Variants in GRAMD2B observed in about 807,000 individuals in gnomAD.
The protein encoded by GRAMD2B is GRAM domain-containing protein 2B.
GRAMD2B carries 41 observed loss-of-function variants against 59.2 expected under a neutral mutation model. The ratio of observed to expected loss-of-function variants is 0.69; its 90% CI spans 0.54 to 0.90. The LOEUF (loss-of-function observed/expected upper bound fraction) is 0.90, where lower values mean the gene tolerates loss of function less well. Ranked by LOEUF, GRAMD2B falls within the 40% of genes least tolerant of loss-of-function variation. The pLI is 0.00. For missense variants in GRAMD2B, 424 were observed against 500.5 expected (o/e 0.85, Z 1.46); for synonymous variants, 161 against 182.7 (o/e 0.88, Z 0.96).
chr5:126,440,095 C>T (rs1763052176), intron 1 of GRAMD2B, among the ~76,000 whole-genome samples: 1 of 151,984 alleles, frequency 6.6e-6, no homozygotes, highest in Admixed American at 6.6e-5. Context: ...CAGTCAATTA[C>T]CTTTCTTAAT....
intron 1 of GRAMD2B, among the ~76,000 whole-genome samples, chr5:126,375,186 A>G (rs934570629): frequency 2.6e-5 from 4 of 152,102 alleles, no homozygotes; most frequent in Admixed American, 6.6e-5. Flanking sequence ...TATATTTTAC[A>G]TTGTATTTTC....
chr5:126,443,684 T>C (rs113901572), intron 1 of GRAMD2B, among the ~76,000 whole-genome samples: 1 of 152,350 alleles, frequency 6.6e-6, no homozygotes, highest in African/African-American at 2.4e-5. Context: ...TCAGCTGTGA[T>C]GGAAAGACTC....
intron 1 of GRAMD2B, among the ~76,000 whole-genome samples, chr5:126,360,720 G>C (rs1181943795): frequency 6.6e-6 from 1 of 152,196 alleles, no homozygotes; most frequent in Non-Finnish European, 1.5e-5. Flanking sequence ...CTGGAAGTTT[G>C]AGGTTTGTCA....
intron 8 of GRAMD2B, 102 bp from the exon 9 acceptor site, chr5:126,483,361 T>C (rs1772246211): frequency 1.7e-6 from 1 of 601,386 alleles, no homozygotes; most frequent in Non-Finnish European, 2.9e-6. Flanking sequence ...TTCTATTCTA[T>C]GTTTTATAGG....
At chr5:126,482,593 T>C (rs1472787843) in intron 8 of GRAMD2B, among the ~76,000 whole-genome samples, 7 of 152,248 alleles carry the variant, frequency 4.6e-5, no homozygotes, top group Non-Finnish European at 1.0e-4. Flanking sequence ...TGATATGAGA[T>C]AGGCATTCAA....
At chr5:126,420,054 C>CAAAAAAAAAAAAAA (rs386404926), upstream of GRAMD2B, among the ~76,000 whole-genome samples, 1 of 103,638 alleles carries the variant, frequency 9.6e-6, no homozygotes, top group African/African-American at 3.8e-5. Flanking sequence ...GACTCTTTCT[C>CAAAAAAAAAAAAAA]AAAAAAAAAA....
intron 1 of GRAMD2B, among the ~76,000 whole-genome samples, chr5:126,364,001 T>TA (rs1238324825): frequency 2.6e-5 from 4 of 152,246 alleles, no homozygotes; most frequent in East Asian, 1.9e-4. Flanking sequence ...AATAAGGCTT[T>TA]AAAAAAACTC....
chr5:126,452,341 C>T (rs1014498158), intron 1 of GRAMD2B, among the ~76,000 whole-genome samples: 1 of 152,094 alleles, frequency 6.6e-6, no homozygotes, highest in Non-Finnish European at 1.5e-5. Context: ...TAATCACCTC[C>T]CAAAAGCCCC....
intron 1 of GRAMD2B, among the ~76,000 whole-genome samples, chr5:126,398,780 G>C (rs1217810094): frequency 6.6e-6 from 1 of 151,970 alleles, no homozygotes; most frequent in African/African-American, 2.4e-5. Flanking sequence ...GTATCTCATA[G>C]GTTTTGGTAT....
chr5:126,424,425 AT>A (rs1760229415), intron 1 of GRAMD2B, among the ~76,000 whole-genome samples: 1 of 152,206 alleles, frequency 6.6e-6, no homozygotes, highest in Non-Finnish European at 1.5e-5. Context: ...TTGTTCTGGT[AT>A]CAGGATATGA....
At position 126,472,071 on chromosome 5, in the gene GRAMD2B, GA is replaced by G. The variant is rs1769695185; in HGVS notation, c.316-166del. Among the ~76,000 whole-genome samples the G allele has an allele frequency of 6.6e-5, 10 of 152,294 alleles. No individual in the cohort carries two copies. In the South Asian group the frequency reaches 2.1e-3, roughly 32 times the overall value. ...GTTAGAAAATGAAACTGTGTGCCCA[GA>G]CTTTCACTGTGTTTTACTGAAGGCT... On this transcript the variant is annotated intron_variant, in intron 3 of 13. Coordinates refer to ENST00000285689, the MANE Select transcript of GRAMD2B (RefSeq NM_023927.4).
intron 1 of GRAMD2B, among the ~76,000 whole-genome samples, chr5:126,410,794 A>G (rs1758713211): frequency 6.6e-6 from 1 of 152,016 alleles, no homozygotes. Flanking sequence ...TGACTTTTTC[A>G]TAATAACCAT....
chr5:126,401,921 T>C (rs1434156952), intron 1 of GRAMD2B, among the ~76,000 whole-genome samples: 3 of 152,060 alleles, frequency 2.0e-5, no homozygotes, highest in African/African-American at 4.8e-5. Context: ...CCAGGTCATA[T>C]ACCGGGGTCA....
intron 1 of GRAMD2B, among the ~76,000 whole-genome samples, chr5:126,448,434 C>T (rs1325371850): frequency 2.0e-5 from 3 of 151,964 alleles, no homozygotes; most frequent in Non-Finnish European, 4.4e-5. Context: ...CTTCACATTG[C>T]AGAGGACCTG....
chr5:126,401,207 T>C (rs1476418263), intron 1 of GRAMD2B, among the ~76,000 whole-genome samples: 2 of 152,094 alleles, frequency 1.3e-5, no homozygotes, highest in East Asian at 3.9e-4. Flanking sequence ...TTCTTTCTCA[T>C]GCTTGATCAA....
chr5:126,370,535 C>T (rs1417024858), upstream of GRAMD2B, among the ~76,000 whole-genome samples: 2 of 152,200 alleles, frequency 1.3e-5, no homozygotes, highest in Non-Finnish European at 2.9e-5. Context: ...TGTGCATGAA[C>T]ATTTGTCGCA....
chr5:126,366,676 C>T (rs931938804), upstream of GRAMD2B, among the ~76,000 whole-genome samples: 2 of 152,110 alleles, frequency 1.3e-5, no homozygotes, highest in Admixed American at 6.6e-5. Context: ...CACCCTTTTC[C>T]AGGCAACCTG....
Position 126,493,050 on chromosome 5 carries a change from A to C in GRAMD2B, c.*94A>C. The C allele has an allele frequency of 1.1e-6, 1 of 877,048 alleles. No homozygotes were observed. The highest frequency in any genetic ancestry group is 1.4e-5 in the South Asian group (1 of 71,086). The allele number at this position is 877,048 out of a possible 1,614,324, so 54.3% of individuals were successfully genotyped here. ...TTTGTTTGAGTGCACCCTGCTGGTC[A>C]GAGGTGCAAGCAGATGAGAATCCAG... On this transcript the variant is annotated 3_prime_UTR_variant, in exon 14 of 14. Coordinates refer to ENST00000285689, the MANE Select transcript of GRAMD2B (RefSeq NM_023927.4).
chr5:126,449,901 G>A (rs763271547), intron 1 of GRAMD2B, among the ~76,000 whole-genome samples: 1 of 152,056 alleles, frequency 6.6e-6, no homozygotes, highest in Non-Finnish European at 1.5e-5. Context: ...TGTAAGATCA[G>A]AACACAGGAG....
Sources: allele counts gnomAD v4.1 joint callset (sites outside exome capture counted in the v4.1 genomes callset), GRCh38; gene constraint gnomAD v4.1.1; transcripts MANE v1.5; gene names NCBI Gene and HGNC (gene_info 2026-07-23, HGNC 2026-07-21).